MID1: variants seen among roughly 807,000 people sequenced by gnomAD.
The protein encoded by MID1 is midline 1.
MID1 carries 7 observed loss-of-function variants against 40.4 expected under a neutral mutation model. That is an observed-to-expected ratio of 0.17 (90% confidence interval 0.10 to 0.33). The LOEUF is 0.33. Among genes scored for constraint, MID1 ranks in the 10% least tolerant of loss-of-function variants. The pLI is 1.00. For synonymous variants in MID1, 229 were observed against 221.2 expected (o/e 1.04, Z -0.31); for missense variants, 367 against 558.5 (o/e 0.66, Z 3.46).
At position 10,490,013 on chromosome X, in the gene MID1, A is replaced by G. The variant is rs149521602; in HGVS notation, c.864+5571T>C. On this transcript the variant is annotated intron_variant, in intron 4 of 9. Coordinates refer to ENST00000317552, the MANE Select transcript of MID1 (RefSeq NM_000381.4). ...CCCGGTCTATTTTTCAAAGTTTTAA[A>G]TGATTATGCTATATCCTTTGCATTC... 7.3e-4 allele frequency among the ~76,000 whole-genome samples: 82 copies of G among 112,100 alleles called. No individual in the cohort carries two copies. In the East Asian group the frequency reaches 0.018, roughly 24 times the overall value.
intron 2 of MID1, among the ~76,000 whole-genome samples, chrX:10,564,769 CA>C (rs759597835): frequency 2.3e-4 from 25 of 111,028 alleles, no homozygotes; most frequent in African/African-American, 7.9e-4. Context: ...AGAACCTGAC[CA>C]CAAGATTTAA....
intron 3 of MID1, among the ~76,000 whole-genome samples, chrX:10,499,361 T>C (rs976303575): frequency 8.9e-6 from 1 of 112,168 alleles, no homozygotes; most frequent in Non-Finnish European, 1.9e-5. Context: ...TTATCAAATA[T>C]GTGATTTGCA....
chrX:10,708,058 C>T (rs1346322970), intron 1 of MID1, among the ~76,000 whole-genome samples: 3 of 112,243 alleles, frequency 2.7e-5, no homozygotes, highest in African/African-American at 3.2e-5. Context: ...CAAGACCTTA[C>T]TATTGTATAA....
chrX:10,506,422 C>T (rs1004450859), intron 3 of MID1: 1 of 844,538 alleles, frequency 1.2e-6, no homozygotes, highest in Non-Finnish European at 1.7e-6. Flanking sequence ...TTACCAAGAC[C>T]ACCTTGGGCA....
intron 1 of MID1, among the ~76,000 whole-genome samples, chrX:10,679,671 C>A (rs2043046341): frequency 9.0e-6 from 1 of 110,795 alleles, no homozygotes; most frequent in Admixed American, 9.6e-5. Context: ...ACCCCTATTG[C>A]TGTGTAATGA....
chrX:10,532,426 A>G (rs1217887677), intron 2 of MID1, among the ~76,000 whole-genome samples: 8 of 111,649 alleles, frequency 7.2e-5, no homozygotes, highest in African/African-American at 2.6e-4. Context: ...AATCCCAGTT[A>G]CTCAGGAGGC....
chrX:10,457,894 C>T (rs1928780897), intron 8 of MID1, among the ~76,000 whole-genome samples: 2 of 112,865 alleles, frequency 1.8e-5, no homozygotes, highest in African/African-American at 6.4e-5. Context: ...TCCTCACATC[C>T]CCTGCTCCTA....
At chrX:10,770,683 C>T (rs188652478) in intron 1 of MID1, among the ~76,000 whole-genome samples, 44 of 112,351 alleles carry the variant, frequency 3.9e-4, no homozygotes, top group African/African-American at 1.4e-3. Context: ...GCCTCATATT[C>T]GTGTTCCTTA....
chrX:10,450,720 G>T (rs1253377025), intron 9 of MID1, among the ~76,000 whole-genome samples: 1 of 111,879 alleles, frequency 8.9e-6, no homozygotes, highest in Non-Finnish European at 1.9e-5. Flanking sequence ...GGATCTTCTG[G>T]TTATTCTAAA....
intron 1 of MID1, among the ~76,000 whole-genome samples, chrX:10,602,447 C>T (rs780508382): frequency 9.1e-6 from 1 of 109,701 alleles, no homozygotes; most frequent in South Asian, 4.0e-4. Flanking sequence ...CCAAAAGAAA[C>T]CCCATACCCA....
chrX:10,523,678 G>T (rs1274901741), intron 2 of MID1, among the ~76,000 whole-genome samples: 1 of 111,772 alleles, frequency 8.9e-6, no homozygotes, highest in Non-Finnish European at 1.9e-5. Context: ...AGACATTTAT[G>T]ATAAGTCCTC....
intron 1 of MID1, among the ~76,000 whole-genome samples, chrX:10,771,658 AT>A (rs765034374): frequency 0.014 from 1,133 of 82,235 alleles, 12 homozygotes; most frequent in African/African-American, 0.039. Flanking sequence ...TGCCTGGCTA[AT>A]TTTTTTTTTT....
At chrX:10,586,563 T>C (rs997029623) in intron 1 of MID1, among the ~76,000 whole-genome samples, 3 of 112,047 alleles carry the variant, frequency 2.7e-5, no homozygotes, top group African/African-American at 9.8e-5. Context: ...AAACTTCAAT[T>C]GTTATGTGGG....
chrX:10,798,990 C>A (rs1396716874), intron 1 of MID1, among the ~76,000 whole-genome samples: 1 of 111,376 alleles, frequency 9.0e-6, no homozygotes, highest in Non-Finnish European at 1.9e-5. Context: ...TTCATGTTGA[C>A]TGTCATTGGA....
chrX:10,699,441 G>A (rs1457583493), intron 1 of MID1, among the ~76,000 whole-genome samples: 2 of 112,188 alleles, frequency 1.8e-5, no homozygotes, highest in African/African-American at 3.2e-5. Context: ...TCTATAAGGA[G>A]TTGTCCTTTT....
At chrX:10,515,680 C>T (rs1184933634) in intron 3 of MID1, among the ~76,000 whole-genome samples, 1 of 112,209 alleles carries the variant, frequency 8.9e-6, no homozygotes, top group African/African-American at 3.2e-5. Context: ...ATGGTAAGGA[C>T]TGCTGAGCCT....
intron 1 of MID1, among the ~76,000 whole-genome samples, chrX:10,717,637 C>T (rs1202762141): frequency 9.1e-6 from 1 of 109,918 alleles, no homozygotes; most frequent in South Asian, 4.1e-4. Context: ...GACAGACCAA[C>T]GAGACAGAAA....
intron 1 of MID1, among the ~76,000 whole-genome samples, chrX:10,640,606 C>G (rs1340277569): frequency 9.0e-6 from 1 of 111,284 alleles, no homozygotes; most frequent in Non-Finnish European, 1.9e-5. Context: ...GACAAATCAA[C>G]AAGACAGAAA....
intron 1 of MID1, among the ~76,000 whole-genome samples, chrX:10,584,701 A>T (rs1038503789): frequency 1.8e-5 from 2 of 112,678 alleles, no homozygotes; most frequent in African/African-American, 6.4e-5. Flanking sequence ...TTCACTGGCT[A>T]GGTAAAATTG....
Sources: allele counts gnomAD v4.1 joint callset (sites outside exome capture counted in the v4.1 genomes callset), GRCh38; gene constraint gnomAD v4.1.1; transcripts MANE v1.5; gene names NCBI Gene and HGNC (gene_info 2026-07-23, HGNC 2026-07-21).